Variants in XIRP2 observed in about 807,000 individuals in gnomAD.
XIRP2 encodes xin actin-binding repeat-containing protein 2.
In XIRP2, 236 loss-of-function variants were observed where a neutral mutation model predicts 277.0. The observed-to-expected ratio is 0.85, with a 90% confidence interval of 0.77 to 0.95. The LOEUF (loss-of-function observed/expected upper bound fraction) is 0.95. Ranked by LOEUF, XIRP2 falls within the 40% of genes least tolerant of loss-of-function variation. The pLI is 0.00. For synonymous variants in XIRP2, 1,490 were observed against 1,416.5 expected, an observed-to-expected ratio of 1.05 and a Z score of -1.17; for missense variants, 4,640 against 4,157.5, an observed-to-expected ratio of 1.12 and a Z score of -3.19.
intron 2 of XIRP2, among the ~76,000 whole-genome samples, chr2:167,030,793 TA>T (rs1444404800): frequency 6.6e-6 from 1 of 152,128 alleles, no homozygotes; most frequent in Non-Finnish European, 1.5e-5. Flanking sequence ...AGTGGGGTGT[TA>T]AAGTCTCCCA....
chr2:167,258,174 A>G lies in XIRP2; in HGVS notation c.*357A>G. On this transcript the variant is annotated 3_prime_UTR_variant, in exon 11 of 11. Transcript: ENST00000409195. ...TTAAAAGTCATTTGGCCTCCTTCCA[A>G]GGAGATCCCTAAGAAAACCTTACCC... 1 of 1,613,138 alleles carries G rather than the reference A, an allele frequency of 6.2e-7. No homozygotes were observed. Among genetic ancestry groups the G allele is most frequent in the South Asian group, 1.1e-5 (1 of 91,070 alleles).
intron 2 of XIRP2, among the ~76,000 whole-genome samples, chr2:167,123,310 A>G (rs1166586625): frequency 1.3e-5 from 2 of 152,110 alleles, no homozygotes; most frequent in Non-Finnish European, 2.9e-5. Context: ...CGTTATTAAG[A>G]AGTTCTTGTC....
intron 2 of XIRP2, among the ~76,000 whole-genome samples, chr2:167,092,741 A>G (rs1378529411): frequency 6.6e-6 from 1 of 152,154 alleles, no homozygotes; most frequent in East Asian, 1.9e-4. Flanking sequence ...TGTTTTATTC[A>G]GAGATGGGCT....
At chr2:167,093,481 C>T (rs1191782417) in intron 2 of XIRP2, among the ~76,000 whole-genome samples, 6 of 152,002 alleles carry the variant, frequency 3.9e-5, no homozygotes, top group Admixed American at 3.3e-4. Flanking sequence ...CCCAACTCCC[C>T]AACAGGCCCC....
rs79161606 is a variant in XIRP2 at position 167,022,059 on chromosome 2, C to A, written c.409-113850C>A. Among the ~76,000 whole-genome samples, 739 of 152,170 alleles carry A rather than the reference C, an allele frequency of 4.9e-3. 3 individuals are homozygous for A. Among genetic ancestry groups the A allele is most frequent in the Non-Finnish European group, 8.6e-3 (585 of 68,006 alleles). On this transcript the variant is annotated intron_variant, in intron 2 of 10. Coordinates refer to ENST00000409195, the MANE Select transcript of XIRP2 (RefSeq NM_152381.6). ...ATTTCATGTAATATATTAATGATGG[C>A]TACAGTAGTTTGGAATGCTTGAAGA...
chr2:167,241,829 A>T lies in XIRP2; in HGVS notation c.1095A>T (p.Leu365Phe), dbSNP rs1359736424. ...TTCCAAAGGTTTCGACTAAGTTGTT[A>T]AAAGAGCAGTTTGAAAAGTCTGCCC... is the stretch of plus-strand genomic sequence containing the variant. Reference protein sequence around the residue: ...EEIPKVSTKLLKEQFEKSAQE... With the variant: ...EEIPKVSTKLFKEQFEKSAQE... The change falls in exon 8 of 11, where the codon TTA becomes TTT. Residue 365 changes from leucine (L) to phenylalanine (F), a missense_variant. Coordinates refer to ENST00000409195, the MANE Select transcript of XIRP2 (RefSeq NM_152381.6). 1.6e-5 allele frequency: 26 copies of T among 1,613,628 alleles called. No individual in the cohort carries two copies. The highest frequency in any genetic ancestry group is 2.2e-5 in the Non-Finnish European group (26 of 1,179,770).
At chr2:167,094,156 A>G (rs938920257) in intron 2 of XIRP2, among the ~76,000 whole-genome samples, 4 of 151,726 alleles carry the variant, frequency 2.6e-5, no homozygotes, top group African/African-American at 9.7e-5. Context: ...TCACTACTTG[A>G]TGGGGTTGTT....
chr2:167,078,324 T>C (rs1023225653), intron 2 of XIRP2, among the ~76,000 whole-genome samples: 3 of 152,218 alleles, frequency 2.0e-5, no homozygotes, highest in Non-Finnish European at 4.4e-5. Context: ...TGTACATTGA[T>C]ACTGTGTCCT....
intron 2 of XIRP2, among the ~76,000 whole-genome samples, chr2:166,937,556 C>CT (rs1398483633): frequency 3.3e-5 from 5 of 152,042 alleles, no homozygotes; most frequent in Admixed American, 1.3e-4. Context: ...CTAAAATTCT[C>CT]TTTTTTTGTT....
In XIRP2 at chr2:167,245,838, G is replaced by A. The variant is rs751966035; in HGVS notation, c.4446G>A (p.Val1482=). 5 of 1,613,736 alleles carry A rather than the reference G, an allele frequency of 3.1e-6. No individual in the cohort carries two copies. The South Asian group carries it at 3.3e-5, about 11-fold the overall frequency. The change falls in exon 9 of 11, where the codon GTG becomes GTA. Residue 1482 remains valine (V), a synonymous_variant. Transcript: ENST00000409195. ...ENIKTVTQED[V]QKGDVKQAVW... ...TCAAGACAGTCACTCAGGAAGATGT[G>A]CAGAAAGGTGATGTTAAGCAGGCTG...
At chr2:167,129,725 G>A (rs1186446453) in intron 2 of XIRP2, among the ~76,000 whole-genome samples, 2 of 151,720 alleles carry the variant, frequency 1.3e-5, no homozygotes, top group Non-Finnish European at 2.9e-5. Context: ...ATAAAATTAG[G>A]CAGGCGTGGT....
At chr2:167,126,957 T>C (rs938684205) in intron 2 of XIRP2, among the ~76,000 whole-genome samples, 1 of 152,180 alleles carries the variant, frequency 6.6e-6, no homozygotes, top group African/African-American at 2.4e-5. Flanking sequence ...TACCTATTAT[T>C]GCTGTTATTA....
chr2:167,247,715 A>T lies in XIRP2; in HGVS notation c.6323A>T (p.Asp2108Val). 6.2e-7 allele frequency: 1 copy of T among 1,613,682 alleles called. No individual in the cohort carries two copies. Among genetic ancestry groups the T allele is most frequent in the East Asian group, 2.2e-5 (1 of 44,824 alleles). The change falls in exon 9 of 11, where the codon GAT becomes GTT. Residue 2108 changes from aspartate to valine, a missense_variant. Coordinates refer to ENST00000409195, the MANE Select transcript of XIRP2 (RefSeq NM_152381.6). ...SDRAVRELKK[D>V]DVFNSIQSAG... ...AGGGCAGTGAGAGAGCTGAAGAAGG[A>T]TGATGTCTTTAATTCCATCCAATCT...
At chr2:167,237,443 T>A (rs116795716) in intron 5 of XIRP2, among the ~76,000 whole-genome samples, 2,207 of 152,106 alleles carry the variant, frequency 0.015, 56 homozygotes, top group African/African-American at 0.051. Context: ...CTTTTTTTTT[T>A]AAATGTCATC....
In XIRP2 at chr2:167,249,834, A is replaced by G. The variant is rs1695414374; in HGVS notation, c.8442A>G (p.Lys2814=). The change falls in exon 9 of 11, where the codon AAA becomes AAG. Residue 2814 remains lysine, a synonymous_variant. Coordinates refer to ENST00000409195, the MANE Select transcript of XIRP2 (RefSeq NM_152381.6). ...AATTTAGCGGATCTGACAGAGGGAA[A>G]CTTCCAGGAAGTGAAGAAAAAAATC... The part of the protein sequence containing the change: ...QREFSGSDRG[K]LPGSEEKNQG... 6.2e-7 allele frequency: 1 copy of G among 1,613,554 alleles called. No individual in the cohort carries two copies. The highest frequency in any genetic ancestry group is 1.1e-5 in the South Asian group (1 of 91,072).
At chr2:167,110,013 A>C (rs1049403818) in intron 2 of XIRP2, among the ~76,000 whole-genome samples, 3 of 151,716 alleles carry the variant, frequency 2.0e-5, no homozygotes, top group Non-Finnish European at 4.4e-5. Flanking sequence ...CCACTTCTTC[A>C]GGGGTTGTTT....
intron 2 of XIRP2, among the ~76,000 whole-genome samples, chr2:167,012,310 C>T (rs980386602): frequency 8.6e-5 from 13 of 151,788 alleles, no homozygotes; most frequent in African/African-American, 1.5e-4. Context: ...GCCTTCACTT[C>T]GTTATGTACC....
intron 2 of XIRP2, among the ~76,000 whole-genome samples, chr2:167,084,253 G>A (rs1199136656): frequency 2.6e-5 from 4 of 152,074 alleles, no homozygotes; most frequent in Admixed American, 2.6e-4. Flanking sequence ...TTATTGATTT[G>A]CGTATATTGA....
At chr2:167,082,494 A>G (rs1689767659) in intron 2 of XIRP2, among the ~76,000 whole-genome samples, 1 of 151,912 alleles carries the variant, frequency 6.6e-6, no homozygotes, top group South Asian at 2.1e-4. Flanking sequence ...TGGTATTTCT[A>G]GTTCTAGATC....
Sources: gnomAD v4.1 joint callset for allele counts (sites outside exome capture counted in the v4.1 genomes callset) on GRCh38, gnomAD v4.1.1 for gene constraint, MANE v1.5 for transcripts, NCBI Gene and HGNC (gene_info 2026-07-23, HGNC 2026-07-21) for gene names.